GCSAM: variants seen among roughly 807,000 people sequenced by gnomAD.
The protein encoded by GCSAM is germinal center associated signaling and motility, also known as germinal center-associated signaling and motility protein.
GCSAM carries 8 observed loss-of-function variants against 17.6 expected under a neutral mutation model. The observed-to-expected ratio is 0.46, with a 90% CI of 0.27 to 0.82. The LOEUF (loss-of-function observed/expected upper bound fraction) is 0.82. Ranked by LOEUF, GCSAM falls within the 40% of genes least tolerant of loss-of-function variation. The probability of loss-of-function intolerance (pLI) is 0.15; values close to 1 mark genes in which losing one functional copy is unlikely to be tolerated. For missense variants in GCSAM, 192 were observed against 213.5 expected, an observed-to-expected ratio of 0.90 and a Z score of 0.63; for synonymous variants, 68 against 69.0, an observed-to-expected ratio of 0.98 and a Z score of 0.07.
chr3:112,124,742 G>A (rs2074273677), intron 5 of GCSAM, among the ~76,000 whole-genome samples: 1 of 152,206 alleles, frequency 6.6e-6, no homozygotes. Flanking sequence ...CACTTATGAT[G>A]GGATATCAGG....
intron 3 of GCSAM, 52 bp downstream of exon 3, chr3:112,127,963 CCA>C: frequency 6.7e-7 from 1 of 1,495,088 alleles, no homozygotes; most frequent in African/African-American, 1.4e-5. Context: ...ACAGCAAATA[CCA>C]CATTGAAACC....
At chr3:112,131,101 T>A (rs1364232249) in intron 1 of GCSAM, 1 of 153,104 alleles carries the variant, frequency 6.5e-6, no homozygotes, top group African/African-American at 2.4e-5. Context: ...CACTACTTAC[T>A]ATATGCCAAT....
chr3:112,132,724 G>T (rs900111256), intron 1 of GCSAM: 2 of 950,026 alleles, frequency 2.1e-6, no homozygotes, highest in Non-Finnish European at 2.5e-6. Context: ...GGCTGAAAGA[G>T]GGTGGTGATT....
intron 2 of GCSAM, chr3:112,130,000 A>G (rs2074413704): frequency 6.3e-6 from 1 of 159,312 alleles, no homozygotes; most frequent in African/African-American, 2.4e-5. Context: ...GTCTTTGTTT[A>G]ACAACATCAG....
chr3:112,131,892 A>G (rs568717224), intron 1 of GCSAM, among the ~76,000 whole-genome samples: 1 of 152,324 alleles, frequency 6.6e-6, no homozygotes, highest in African/African-American at 2.4e-5. Context: ...AAGAAGTCCA[A>G]ATAGCATAAG....
In GCSAM at chr3:112,123,325, T is replaced by C. The variant is rs1327418723; in HGVS notation, c.*130A>G. ...AAGAGGGCTTGTGGTATACAAACCA[T>C]GCTCTGCAGGGAAAGGGTTGTTGTG... On this transcript the variant is annotated 3_prime_UTR_variant, in exon 6 of 6. Transcript: ENST00000308910. The C allele has an allele frequency of 6.7e-7, 1 of 1,482,208 alleles. No individual in the cohort carries two copies. The highest frequency in any genetic ancestry group is 8.9e-7 in the Non-Finnish European group (1 of 1,120,168). 91.8% of individuals were successfully genotyped at this position (1,482,208 alleles called of 1,614,324 possible).
chr3:112,133,221 G>T lies in GCSAM; in HGVS notation c.-101C>A. The T allele has an allele frequency of 1.6e-6, 2 of 1,277,652 alleles. No individual in the cohort carries two copies. Among genetic ancestry groups the T allele is most frequent in the Admixed American group, 1.7e-5 (1 of 58,724 alleles). 79.1% of individuals were successfully genotyped at this position (1,277,652 alleles called of 1,614,324 possible). A position where few individuals can be genotyped will look rare whatever the true frequency, so the allele number is the denominator to read the frequency against. On this transcript the variant is annotated 5_prime_UTR_variant, in exon 1 of 6. Coordinates refer to ENST00000308910, the MANE Select transcript of GCSAM (RefSeq NM_152785.5). The stretch of plus-strand genomic sequence containing the variant: ...CCTGACTTAAAGAAAGGGCTGTGTG[G>T]CTCTGGCCACCCGTGCAGAGACAGC...
At position 112,122,944 on chromosome 3, in the gene GCSAM, G is replaced by A. The variant is rs2074227545; in HGVS notation, c.*511C>T. 6.3e-6 allele frequency: 1 copy of A among 159,028 alleles called. No homozygotes were observed. Among genetic ancestry groups the A allele is most frequent in the Non-Finnish European group, 1.4e-5 (1 of 72,032 alleles). The allele number at this position is 159,028 out of a possible 1,614,324, so 9.9% of individuals were successfully genotyped here. On this transcript the variant is annotated 3_prime_UTR_variant, in exon 6 of 6. Transcript: ENST00000308910. ...AGACCATGGGGGCCAACAGGTCAAA[G>A]GACACTATGTAAAAGACATGACTTA... is the stretch of plus-strand genomic sequence containing the variant.
intron 4 of GCSAM, among the ~76,000 whole-genome samples, chr3:112,125,641 C>G (rs1386591380): frequency 1.3e-5 from 2 of 152,220 alleles, no homozygotes; most frequent in South Asian, 4.1e-4. Context: ...CAGAAACATT[C>G]TCTGTCCTCA....
chr3:112,125,067 C>T lies in GCSAM; in HGVS notation c.219+159G>A, dbSNP rs184412264. ...AGAAGTGGCTGCTGCTTCTGCCACC[C>T]GGCCCTGCACCTGCCACCCGAGTTC... On this transcript the variant is annotated intron_variant, in intron 5 of 5. Transcript: ENST00000308910. Among the ~76,000 whole-genome samples, 49 of 152,256 alleles carry T rather than the reference C, an allele frequency of 3.2e-4. No homozygotes were observed. The highest frequency in any genetic ancestry group is 1.6e-3 in the Admixed American group (25 of 15,296).
Position 112,123,199 on chromosome 3 carries a change from T to C in GCSAM, c.*256A>G. Reference sequence around the variant, plus strand: ...GGAATCAGGGAGCCCCTCCTACCACTATACTCTCCAAACCATGTAGAACCA... The same window carrying C: ...GGAATCAGGGAGCCCCTCCTACCACCATACTCTCCAAACCATGTAGAACCA... On this transcript the variant is annotated 3_prime_UTR_variant, in exon 6 of 6. Coordinates refer to ENST00000308910, the MANE Select transcript of GCSAM (RefSeq NM_152785.5). 1.8e-6 allele frequency: 1 copy of C among 570,756 alleles called. No individual in the cohort carries two copies. The highest frequency in any genetic ancestry group is 2.1e-5 in the South Asian group (1 of 47,382). The allele number at this position is 570,756 out of a possible 1,614,324, so 35.4% of individuals were successfully genotyped here. A position where few individuals can be genotyped will look rare whatever the true frequency, so the allele number is the denominator to read the frequency against.
At chr3:112,132,334 C>G (rs1355947677) in intron 1 of GCSAM, among the ~76,000 whole-genome samples, 1 of 152,102 alleles carries the variant, frequency 6.6e-6, no homozygotes, top group African/African-American at 2.4e-5. Flanking sequence ...GTGAAGACCC[C>G]CTCTGGCTCG....
chr3:112,128,337 G>A, intron 2 of GCSAM: 1 of 603,058 alleles, frequency 1.7e-6, no homozygotes, highest in Non-Finnish European at 3.0e-6. Context: ...AATTTCCTTG[G>A]TTCCCTTGTA....
chr3:112,128,167 G>A (rs778100536), intron 2 of GCSAM, 106 bp from the exon 3 acceptor site: 38 of 929,374 alleles, frequency 4.1e-5, no homozygotes, highest in South Asian at 1.2e-4. Flanking sequence ...TTTTCTCCCC[G>A]CAAGCGTGTT....
Position 112,123,705 on chromosome 3 carries a change from G to T in GCSAM, c.287C>A (p.Thr96Lys). 1 of 1,614,032 alleles carries T rather than the reference G, an allele frequency of 6.2e-7. No homozygotes were observed. Among genetic ancestry groups the T allele is most frequent in the South Asian group, 1.1e-5 (1 of 91,084 alleles). The change falls in exon 6 of 6, where the codon ACA (threonine) becomes AAA (lysine). Residue 96 changes from threonine to lysine, a missense_variant. Coordinates refer to ENST00000308910, the MANE Select transcript of GCSAM (RefSeq NM_152785.5). Reference protein sequence around the residue: ...YTLINHRVLCTRPSGNSAEEY... With the variant: ...YTLINHRVLCKRPSGNSAEEY... ...TTCAGCAGAGTTCCCTGATGGCCTT[G>T]TACAGAGAACCCGATGATTGATGAG...
rs1225426982 is a variant in GCSAM at position 112,120,972 on chromosome 3, G to A, written c.*2483C>T. 6.6e-6 allele frequency: 1 copy of A among 152,038 alleles called. No homozygotes were observed. The highest frequency in any genetic ancestry group is 2.4e-5 in the African/African-American group (1 of 41,386). 9.4% of individuals were successfully genotyped at this position (152,038 alleles called of 1,614,324 possible). On this transcript the variant is annotated 3_prime_UTR_variant, in exon 6 of 6. Coordinates refer to ENST00000308910, the MANE Select transcript of GCSAM (RefSeq NM_152785.5). ...TTTTTGACTGACAAATCATAATTGTGTATATCATATTGGGTATCTTGAAGC... is the reference window on the plus strand; with the variant it reads ...TTTTTGACTGACAAATCATAATTGTATATATCATATTGGGTATCTTGAAGC...
chr3:112,132,797 T>C (rs2074488603), intron 1 of GCSAM: 2 of 411,454 alleles, frequency 4.9e-6, no homozygotes, highest in Non-Finnish European at 7.1e-6. Flanking sequence ...TTTCAGAAAG[T>C]TGTTTCATTT....
At chr3:112,132,772 A>T in intron 1 of GCSAM, 2 of 518,276 alleles carry the variant, frequency 3.9e-6, no homozygotes, top group Non-Finnish European at 5.1e-6. Context: ...TCAGGAGAGC[A>T]TCTCCTTCCC....
At chr3:112,129,179 C>T (rs985196399) in intron 2 of GCSAM, 3 of 151,956 alleles carry the variant, frequency 2.0e-5, no homozygotes, top group Non-Finnish European at 2.9e-5. Flanking sequence ...AAGGAAACAT[C>T]GTAAGAAAAC....
Sources: gnomAD v4.1 joint callset for allele counts (sites outside exome capture counted in the v4.1 genomes callset) on GRCh38, gnomAD v4.1.1 for gene constraint, MANE v1.5 for transcripts, NCBI Gene and HGNC (gene_info 2026-07-23, HGNC 2026-07-21) for gene names.